The following ERG variants were observed in gnomAD, a reference collection of about 807,000 sequenced individuals.
ERG encodes transcriptional regulator ERG.
In ERG, 9 loss-of-function variants were observed where a neutral mutation model predicts 55.3. The observed-to-expected ratio is 0.16, with a 90% CI of 0.10 to 0.28. The LOEUF (loss-of-function observed/expected upper bound fraction) is 0.28, where lower values mean the gene tolerates loss of function less well. Among genes scored for constraint, ERG ranks in the 10% least tolerant of loss-of-function variants. The probability of loss-of-function intolerance (pLI) is 1.00; values close to 1 mark genes in which losing one functional copy is unlikely to be tolerated. For synonymous variants in ERG, 223 were observed against 237.3 expected, an observed-to-expected ratio of 0.94 and a Z score of 0.55; for missense variants, 434 against 631.6, an observed-to-expected ratio of 0.69 and a Z score of 3.35.
In ERG at chr21:38,383,294, T is replaced by C. The variant is rs748396919; in HGVS notation, c.*109A>G. 3 of 1,334,356 alleles carry C rather than the reference T, an allele frequency of 2.2e-6. No individual in the cohort carries two copies. The highest frequency in any genetic ancestry group is 2.9e-6 in the Non-Finnish European group (3 of 1,038,736). 82.7% of individuals were successfully genotyped at this position (1,334,356 alleles called of 1,614,324 possible). On this transcript the variant is annotated 3_prime_UTR_variant, in exon 10 of 10. Coordinates refer to ENST00000288319, the MANE Select transcript of ERG (RefSeq NM_182918.4). The surrounding 1 kb of genome is among the most constrained non-coding windows in gnomAD (Gnocchi z 5.7). Reference sequence around the variant, plus strand: ...CCCCGGCTTCCTTCCCCAGCCCCAGTAAAGCTTTTTTCATTCCTCTTGAGG... The same window carrying C: ...CCCCGGCTTCCTTCCCCAGCCCCAGCAAAGCTTTTTTCATTCCTCTTGAGG...
At chr21:38,437,998 G>A (rs1367385769) in intron 2 of ERG, among the ~76,000 whole-genome samples, 1 of 152,150 alleles carries the variant, frequency 6.6e-6, no homozygotes, top group East Asian at 1.9e-4. Flanking sequence ...GGCCCCACGG[G>A]CTCTCCAAAC....
intron 2 of ERG, among the ~76,000 whole-genome samples, chr21:38,431,363 C>T (rs1990201310): frequency 1.3e-5 from 2 of 152,104 alleles, no homozygotes; most frequent in Admixed American, 6.5e-5. Flanking sequence ...GGAGGGGCTT[C>T]GTAATTTTCC....
chr21:38,480,684 G>T (rs2059231134), intron 1 of ERG, among the ~76,000 whole-genome samples: 1 of 135,596 alleles, frequency 7.4e-6, no homozygotes, highest in Non-Finnish European at 1.5e-5. Flanking sequence ...CTCCCTGGTT[G>T]CAGTGGCCAA....
intron 1 of ERG, chr21:38,575,799 G>A (rs751799835): frequency 4.5e-6 from 6 of 1,347,430 alleles, no homozygotes; most frequent in Non-Finnish European, 6.3e-6. Context: ...GCATTTCTGT[G>A]TTTTATGTTC....
At chr21:38,586,054 G>A (rs1185399869), upstream of ERG, among the ~76,000 whole-genome samples, 1 of 151,696 alleles carries the variant, frequency 6.6e-6, no homozygotes, top group African/African-American at 2.4e-5. Flanking sequence ...ATGGTCTTTG[G>A]CTTTCCAGTG....
chr21:38,598,843 T>A (rs1046603352), intron 1 of ERG, among the ~76,000 whole-genome samples: 5 of 152,304 alleles, frequency 3.3e-5, no homozygotes, highest in Non-Finnish European at 5.9e-5. Context: ...TTGGGAGACA[T>A]CTGCACAATT....
At chr21:38,489,705 T>C (rs968033925) in intron 1 of ERG, among the ~76,000 whole-genome samples, 1 of 152,276 alleles carries the variant, frequency 6.6e-6, no homozygotes, top group Non-Finnish European at 1.5e-5. Context: ...TTGCCTGGCG[T>C]AGGCCAAGCC....
intron 1 of ERG, among the ~76,000 whole-genome samples, chr21:38,472,962 C>A (rs762417530): frequency 1.3e-5 from 2 of 152,158 alleles, no homozygotes; most frequent in African/African-American, 2.4e-5. Context: ...TTGAGCTTGG[C>A]TCCTCGGCTG....
chr21:38,403,398 G>T, intron 4 of ERG, 108 bp downstream of exon 4: 1 of 1,076,516 alleles, frequency 9.3e-7, no homozygotes, highest in Non-Finnish European at 1.4e-6. Context: ...AGTGGGAACT[G>T]GGCGAGGGCA....
intron 9 of ERG, among the ~76,000 whole-genome samples, chr21:38,388,963 G>A (rs989601730): frequency 6.6e-6 from 1 of 152,186 alleles, no homozygotes; most frequent in Non-Finnish European, 1.5e-5. Flanking sequence ...TGACAACGTG[G>A]TCATGGACAT....
upstream of ERG, among the ~76,000 whole-genome samples, chr21:38,585,535 T>C (rs1029404742): frequency 9.1e-6 from 1 of 109,394 alleles, no homozygotes; most frequent in East Asian, 2.1e-4. Flanking sequence ...CTCTCTTCTT[T>C]TTTTTTTTTT....
At chr21:38,534,663 G>A (rs1268840895) in intron 2 of ERG, among the ~76,000 whole-genome samples, 1 of 152,098 alleles carries the variant, frequency 6.6e-6, no homozygotes, top group Non-Finnish European at 1.5e-5. Context: ...CAGTATGGTG[G>A]CTCCTCAAAA....
chr21:38,509,791 G>C (rs201504921), intron 2 of ERG, among the ~76,000 whole-genome samples: 2 of 152,228 alleles, frequency 1.3e-5, no homozygotes, highest in East Asian at 3.9e-4. Flanking sequence ...AGCAGAGGGA[G>C]AGGGTGGGGA....
chr21:38,499,866 G>A (rs977990778), upstream of ERG, among the ~76,000 whole-genome samples: 1 of 146,622 alleles, frequency 6.8e-6, no homozygotes, highest in African/African-American at 2.5e-5. Flanking sequence ...AGGAGAAAGG[G>A]AGGGAGGGAG....
chr21:38,481,791 A>G (rs2059240660), intron 1 of ERG, among the ~76,000 whole-genome samples: 1 of 152,230 alleles, frequency 6.6e-6, no homozygotes, highest in Admixed American at 6.5e-5. Context: ...TATTTAAAAG[A>G]TTGCTACAGT....
intron 2 of ERG, among the ~76,000 whole-genome samples, chr21:38,521,468 G>T (rs185718375): frequency 1.5e-3 from 228 of 152,188 alleles, no homozygotes; most frequent in Non-Finnish European, 2.4e-3. Flanking sequence ...AAATGTGGGG[G>T]TTACTCTAGG....
At chr21:38,435,668 G>A (rs965066400) in intron 2 of ERG, among the ~76,000 whole-genome samples, 6 of 152,128 alleles carry the variant, frequency 3.9e-5, no homozygotes, top group Non-Finnish European at 8.8e-5. Flanking sequence ...AAAGGGGCTC[G>A]ATGTTTCCCT....
intron 1 of ERG, among the ~76,000 whole-genome samples, chr21:38,492,064 C>T (rs772182389): frequency 2.6e-5 from 2 of 77,158 alleles, no homozygotes; most frequent in Non-Finnish European, 8.1e-5. Flanking sequence ...ACACTTAATA[C>T]ATCATGTTTC....
intron 1 of ERG, among the ~76,000 whole-genome samples, chr21:38,597,587 C>A (rs1568939861): frequency 6.6e-6 from 1 of 152,082 alleles, no homozygotes; most frequent in Non-Finnish European, 1.5e-5. Context: ...GACACTCCTG[C>A]ATTGATGAGT....
Sources: allele counts gnomAD v4.1 joint callset (sites outside exome capture counted in the v4.1 genomes callset), GRCh38; gene constraint gnomAD v4.1.1; non-coding constraint Gnocchi (gnomAD v3.1); transcripts MANE v1.5; gene names NCBI Gene and HGNC (gene_info 2026-07-23, HGNC 2026-07-21).